The following PRKAR1A variants were observed in gnomAD, a reference collection of about 807,000 sequenced individuals.
PRKAR1A encodes the protein protein kinase cAMP-dependent type I regulatory subunit alpha.
In PRKAR1A, 3 loss-of-function variants were observed where a neutral mutation model predicts 52.0. That is an observed-to-expected ratio of 0.06 (90% CI 0.03 to 0.15). The LOEUF is 0.15. Among genes scored for constraint, PRKAR1A ranks in the 10% least tolerant of loss-of-function variants. PRKAR1A has a pLI of 1.00. For synonymous variants in PRKAR1A, 188 were observed against 168.4 expected, an observed-to-expected ratio of 1.12 and a Z score of -0.90; for missense variants, 240 against 477.4, an observed-to-expected ratio of 0.50 and a Z score of 4.63.
intron 11 of PRKAR1A, among the ~76,000 whole-genome samples, chr17:68,546,660 C>G (rs1288495106): frequency 6.6e-6 from 1 of 151,956 alleles, no homozygotes; most frequent in Non-Finnish European, 1.5e-5. Context: ...GAAACCCTGT[C>G]TCTACTAAAA....
chr17:68,485,656 T>C, the PRKAR1A span, among the ~76,000 whole-genome samples: 1 of 152,180 alleles, frequency 6.6e-6, no homozygotes, highest in African/African-American at 2.4e-5. Flanking sequence ...AACACTCCAA[T>C]TATTCTTGCG....
the PRKAR1A span, chr17:68,435,656 A>G: frequency 6.2e-7 from 1 of 1,614,242 alleles, no homozygotes; most frequent in East Asian, 2.2e-5. Context: ...AGCCTGAGGC[A>G]TTGAAGGTGA....
chr17:68,550,848 T>C (rs1434927074), intron 11 of PRKAR1A, among the ~76,000 whole-genome samples: 1 of 152,210 alleles, frequency 6.6e-6, no homozygotes, highest in Non-Finnish European at 1.5e-5. Context: ...CTCCAACCCC[T>C]TCTTTAAGGA....
At chr17:68,432,506 T>G in the PRKAR1A span, among the ~76,000 whole-genome samples, 2 of 152,196 alleles carry the variant, frequency 1.3e-5, no homozygotes, top group South Asian at 2.1e-4. Context: ...CCCAGCACTT[T>G]GGGAGGTTGA....
At chr17:68,469,486 TCTC>T in the PRKAR1A span, among the ~76,000 whole-genome samples, 1 of 152,200 alleles carries the variant, frequency 6.6e-6, no homozygotes, top group South Asian at 2.1e-4. Flanking sequence ...TCTCCTGTCT[TCTC>T]CTAGCACCTA....
At position 68,540,633 on chromosome 17, in the gene PRKAR1A, A is replaced by G. The variant is rs1209735593; in HGVS notation, c.974-10451A>G. 17 of 659,798 alleles carry G rather than the reference A, an allele frequency of 2.6e-5. No individual in the cohort carries two copies. The Admixed American group carries it at 3.3e-4, about 13-fold the overall frequency. The allele number at this position is 659,798 out of a possible 1,614,324, so 40.9% of individuals were successfully genotyped here. On this transcript the variant is annotated intron_variant, in intron 11 of 11. Transcript: ENST00000585981. ...CGTGGCAGGGTGAGATGCCTGCCTT[A>G]TGAGTGACGACCCCTTGAGCTTCTT...
At chr17:68,545,479 T>G (rs556717188) in intron 11 of PRKAR1A, among the ~76,000 whole-genome samples, 2 of 152,250 alleles carry the variant, frequency 1.3e-5, no homozygotes, top group African/African-American at 2.4e-5. Flanking sequence ...CTGAAAAATG[T>G]ATACATCTTA....
rs1192228311 is a variant in PRKAR1A at position 68,531,710 on chromosome 17, T to C, written c.*1261T>C. 9.4e-7 allele frequency: 1 copy of C among 1,062,462 alleles called. No homozygotes were observed. The highest frequency in any genetic ancestry group is 1.6e-5 in the African/African-American group (1 of 61,022). The allele number at this position is 1,062,462 out of a possible 1,614,324, so 65.8% of individuals were successfully genotyped here. On this transcript the variant is annotated 3_prime_UTR_variant, in exon 11 of 11. Transcript: ENST00000589228. ...CATTTATTTCTCTGGCAAACTTTTC[T>C]TTCTTTTCTTTTTTAAAGTAAACTT... is the stretch of plus-strand genomic sequence containing the variant.
the PRKAR1A span, chr17:68,421,309 C>T: frequency 1.9e-5 from 3 of 159,038 alleles, no homozygotes; most frequent in African/African-American, 7.2e-5. Context: ...TTATTAGTGT[C>T]CAAAATGGGA....
At chr17:68,474,814 G>A in the PRKAR1A span, among the ~76,000 whole-genome samples, 1 of 152,078 alleles carries the variant, frequency 6.6e-6, no homozygotes, top group Non-Finnish European at 1.5e-5. Context: ...CCCAGGAGTG[G>A]AGGTTGCAGT....
the PRKAR1A span, among the ~76,000 whole-genome samples, chr17:68,417,732 A>AATT: frequency 3.2e-5 from 2 of 63,188 alleles, no homozygotes; most frequent in South Asian, 4.4e-4. Context: ...AGAGTTGCTG[A>AATT]ATTTTTTTTT....
the PRKAR1A span, among the ~76,000 whole-genome samples, chr17:68,441,399 C>G: frequency 6.6e-6 from 1 of 152,222 alleles, no homozygotes; most frequent in East Asian, 1.9e-4. Context: ...GATTTGTGTG[C>G]TGAAGACAAT....
Position 68,531,107 on chromosome 17 carries a change from A to G in PRKAR1A, c.*658A>G, listed in dbSNP as rs1227826941. 2 of 1,067,410 alleles carry G rather than the reference A, an allele frequency of 1.9e-6. No homozygotes were observed. The highest frequency in any genetic ancestry group is 9.9e-5 in the East Asian group (2 of 20,182). 66.1% of individuals were successfully genotyped at this position (1,067,410 alleles called of 1,614,324 possible). A position where few individuals can be genotyped will look rare whatever the true frequency, so the allele number is the denominator to read the frequency against. On this transcript the variant is annotated 3_prime_UTR_variant, in exon 11 of 11. Coordinates refer to ENST00000589228, the MANE Select transcript of PRKAR1A (RefSeq NM_002734.5). ...TCTTGTTATTAATGTTTCTTCTCCA[A>G]TTCTGAAATACTTTTGAGTATGGCT...
At chr17:68,423,304 C>G in the PRKAR1A span, among the ~76,000 whole-genome samples, 1 of 152,164 alleles carries the variant, frequency 6.6e-6, no homozygotes, top group Non-Finnish European at 1.5e-5. The surrounding 1 kb of genome is among the most constrained non-coding windows in gnomAD (Gnocchi z 4.4). Context: ...CTGAGATGGG[C>G]CATATTGATA....
the PRKAR1A span, among the ~76,000 whole-genome samples, chr17:68,476,655 C>CCT: frequency 7.5e-3 from 1,124 of 149,794 alleles, 7 homozygotes; most frequent in Admixed American, 0.012. Flanking sequence ...TCCATCCCTC[C>CCT]CTCTCTCTCT....
At chr17:68,461,144 TTCTC>T in the PRKAR1A span, among the ~76,000 whole-genome samples, 1 of 151,546 alleles carries the variant, frequency 6.6e-6, no homozygotes. The surrounding 1 kb of genome is among the most constrained non-coding windows in gnomAD (Gnocchi z 4.6). Flanking sequence ...ATTTTGGCCT[TTCTC>T]TTTCTTTCAA....
At position 68,532,703 on chromosome 17, in the gene PRKAR1A, TTTTG is replaced by T; in HGVS notation, c.*2257_*2260del. On this transcript the variant is annotated 3_prime_UTR_variant, in exon 11 of 11. Transcript: ENST00000589228. ...TATACCATGTGTGCTAATATACTTT[TTTTG>T]TTATAGATTGTCTTAATGGTAGGTC... 7 of 1,066,376 alleles carry T rather than the reference TTTTG, an allele frequency of 6.6e-6. No individual in the cohort carries two copies. The highest frequency in any genetic ancestry group is 8.0e-6 in the Non-Finnish European group (7 of 879,670). 66.1% of individuals were successfully genotyped at this position (1,066,376 alleles called of 1,614,324 possible). A position where few individuals can be genotyped will look rare whatever the true frequency, so the allele number is the denominator to read the frequency against.
the PRKAR1A span, among the ~76,000 whole-genome samples, chr17:68,429,187 C>T: frequency 0.068 from 10,279 of 152,136 alleles, 495 homozygotes; most frequent in East Asian, 0.17. Flanking sequence ...TGCGACCCTG[C>T]GAGAAGCAAT....
chr17:68,495,970 T>C, the PRKAR1A span, among the ~76,000 whole-genome samples: 1 of 31,866 alleles, frequency 3.1e-5, no homozygotes, highest in Non-Finnish European at 5.3e-5. Flanking sequence ...CTCTCTCCTC[T>C]CCTCTCTCCT....
Sources: allele counts gnomAD v4.1 joint callset (sites outside exome capture counted in the v4.1 genomes callset), GRCh38; gene constraint gnomAD v4.1.1; non-coding constraint Gnocchi (gnomAD v3.1); transcripts MANE v1.5; gene names NCBI Gene and HGNC (gene_info 2026-07-23, HGNC 2026-07-21).